The following FILIP1L variants were observed in gnomAD, a reference collection of about 807,000 sequenced individuals.
FILIP1L encodes the protein filamin A interacting protein 1 like.
In FILIP1L, 55 loss-of-function variants were observed where a neutral mutation model predicts 96.6. The observed-to-expected ratio is 0.57, with a 90% CI of 0.46 to 0.71. The LOEUF (loss-of-function observed/expected upper bound fraction) is 0.71. FILIP1L is among the 30% of genes least tolerant of loss of function. The probability of loss-of-function intolerance (pLI) is 0.00; values close to 1 mark genes in which losing one functional copy is unlikely to be tolerated. For synonymous variants in FILIP1L, 467 were observed against 473.9 expected, an observed-to-expected ratio of 0.99 and a Z score of 0.19; for missense variants, 1,304 against 1,321.2, an observed-to-expected ratio of 0.99 and a Z score of 0.20.
At chr3:100,064,045 C>T (rs1222195157) in intron 1 of FILIP1L, among the ~76,000 whole-genome samples, 1 of 152,196 alleles carries the variant, frequency 6.6e-6, no homozygotes. Flanking sequence ...CCTCTAGAAG[C>T]AGGTGGAAGA....
intron 1 of FILIP1L, among the ~76,000 whole-genome samples, chr3:100,069,778 T>G (rs964216377): frequency 6.6e-6 from 1 of 152,080 alleles, no homozygotes; most frequent in African/African-American, 2.4e-5. Flanking sequence ...TAAGAGGAGG[T>G]GGCAGAATGG....
At chr3:100,029,802 A>G (rs1006727850) in intron 1 of FILIP1L, among the ~76,000 whole-genome samples, 1 of 152,186 alleles carries the variant, frequency 6.6e-6, no homozygotes, top group Admixed American at 6.5e-5. Flanking sequence ...TCACTACGCT[A>G]TATAGTGACC....
intron 1 of FILIP1L, among the ~76,000 whole-genome samples, chr3:99,977,715 A>T (rs1239388187): frequency 2.6e-5 from 4 of 152,168 alleles, no homozygotes. Flanking sequence ...AAATAAGAGA[A>T]TGGAATCATT....
intron 5 of FILIP1L, among the ~76,000 whole-genome samples, chr3:99,832,525 C>T (rs1347978983): frequency 7.4e-6 from 1 of 135,474 alleles, no homozygotes; most frequent in African/African-American, 2.8e-5. Context: ...CCACTGCGCC[C>T]AGCCATTCCC....
intron 4 of FILIP1L, among the ~76,000 whole-genome samples, chr3:99,911,285 T>C (rs1706779623): frequency 6.7e-6 from 1 of 150,316 alleles, no homozygotes; most frequent in South Asian, 2.1e-4. Context: ...TTGCTCGTAA[T>C]AGTTTTCTGG....
At chr3:99,943,748 A>G (rs1707922348) in intron 1 of FILIP1L, among the ~76,000 whole-genome samples, 1 of 152,154 alleles carries the variant, frequency 6.6e-6, no homozygotes, top group Admixed American at 6.5e-5. Flanking sequence ...GCTTCAGTCT[A>G]TTTTCTATAA....
chr3:99,963,218 A>G (rs1008050448), intron 1 of FILIP1L, among the ~76,000 whole-genome samples: 1 of 152,234 alleles, frequency 6.6e-6, no homozygotes, highest in East Asian at 1.9e-4. Context: ...CCATGAAGGT[A>G]TAGTTGCCCC....
chr3:99,854,242 C>T (rs1400123283), intron 4 of FILIP1L, among the ~76,000 whole-genome samples: 1 of 152,144 alleles, frequency 6.6e-6, no homozygotes, highest in Non-Finnish European at 1.5e-5. Flanking sequence ...TTAGACAACA[C>T]AGTAACTTAA....
At chr3:100,095,359 T>A (rs144993036) in intron 1 of FILIP1L, among the ~76,000 whole-genome samples, 1 of 152,318 alleles carries the variant, frequency 6.6e-6, no homozygotes, top group East Asian at 1.9e-4. Flanking sequence ...CAGTTGGCCC[T>A]TCATACCCTT....
intron 4 of FILIP1L, among the ~76,000 whole-genome samples, chr3:99,860,919 T>G (rs1944218747): frequency 6.6e-6 from 1 of 152,216 alleles, no homozygotes. Context: ...TTAATTTTTC[T>G]TATTAAAAAT....
At chr3:99,855,569 C>G (rs1298182885) in intron 4 of FILIP1L, among the ~76,000 whole-genome samples, 3 of 152,126 alleles carry the variant, frequency 2.0e-5, no homozygotes, top group African/African-American at 7.2e-5. Context: ...TGTGCGATTT[C>G]CCCACATTAT....
At chr3:100,012,619 T>A (rs1340861693) in intron 1 of FILIP1L, among the ~76,000 whole-genome samples, 1 of 152,126 alleles carries the variant, frequency 6.6e-6, no homozygotes, top group African/African-American at 2.4e-5. Context: ...TGGGCCTAAT[T>A]ATTTCATAGA....
chr3:100,000,785 T>C (rs193092030), intron 1 of FILIP1L, among the ~76,000 whole-genome samples: 21 of 152,258 alleles, frequency 1.4e-4, no homozygotes, highest in African/African-American at 4.8e-4. Flanking sequence ...TGGTGTTTAT[T>C]GTTTGAAGTG....
intron 1 of FILIP1L, among the ~76,000 whole-genome samples, chr3:99,938,883 C>T (rs1559696505): frequency 1.3e-5 from 2 of 152,024 alleles, no homozygotes; most frequent in Non-Finnish European, 2.9e-5. Flanking sequence ...TTTGAAGACA[C>T]TAAACTCAGC....
At chr3:99,930,657 A>G (rs540849560) in intron 2 of FILIP1L, 112 bp downstream of exon 2, 37 of 1,151,900 alleles carry the variant, frequency 3.2e-5, no homozygotes, top group South Asian at 2.2e-4. Flanking sequence ...CTTTGCTTTC[A>G]TGTACACACA....
At chr3:99,968,106 C>A (rs1303974417) in intron 1 of FILIP1L, among the ~76,000 whole-genome samples, 1 of 152,132 alleles carries the variant, frequency 6.6e-6, no homozygotes, top group African/African-American at 2.4e-5. Context: ...CTAGTAAAGG[C>A]AGTGATCAAG....
At chr3:99,873,197 C>T (rs766582650) in intron 4 of FILIP1L, among the ~76,000 whole-genome samples, 2 of 152,192 alleles carry the variant, frequency 1.3e-5, no homozygotes, top group Non-Finnish European at 2.9e-5. Context: ...TGCAGTGTCT[C>T]TTCATCTTTA....
intron 1 of FILIP1L, among the ~76,000 whole-genome samples, chr3:100,014,895 C>CTTTTTTTTTTTT (rs1233573719): frequency 4.0e-5 from 1 of 25,006 alleles, no homozygotes; most frequent in Non-Finnish European, 7.0e-5. Context: ...TTCTTTCTTT[C>CTTTTTTTTTTTT]TTTTTTTTTT....
At chr3:100,017,776 A>G (rs1372309625) in intron 1 of FILIP1L, among the ~76,000 whole-genome samples, 1 of 152,206 alleles carries the variant, frequency 6.6e-6, no homozygotes, top group South Asian at 2.1e-4. Flanking sequence ...AATACAAAAA[A>G]AAGAAACACT....
Sources: gnomAD v4.1 joint callset for allele counts (sites outside exome capture counted in the v4.1 genomes callset) on GRCh38, gnomAD v4.1.1 for gene constraint, MANE v1.5 for transcripts, NCBI Gene and HGNC (gene_info 2026-07-23, HGNC 2026-07-21) for gene names.